C2orf81: variants seen among roughly 807,000 people sequenced by gnomAD.
The protein encoded by C2orf81 is chromosome 2 open reading frame 81, also known as uncharacterized protein C2orf81.
C2orf81 carries 5 observed loss-of-function variants against 7.9 expected under a neutral mutation model. The observed-to-expected ratio is 0.63, with a 90% CI of 0.33 to 1.33. The LOEUF is 1.33. Among genes scored for constraint, C2orf81 ranks in the 40% most tolerant of loss-of-function variants. The pLI is 0.05. For synonymous variants in C2orf81, 346 were observed against 367.4 expected, an observed-to-expected ratio of 0.94 and a Z score of 0.66; for missense variants, 781 against 830.4, an observed-to-expected ratio of 0.94 and a Z score of 0.73.
In C2orf81 at chr2:74,415,976, G is replaced by T. The variant is rs1489678406; in HGVS notation, c.249+35C>A. ...AGGTCGGCAGGGAGGGGCGGGAGAG[G>T]GAGACGAGTCTGAAGGACCCGGATC... is the stretch of plus-strand genomic sequence containing the variant. On this transcript the variant is annotated intron_variant, in intron 2 of 2. Transcript: ENST00000684111. The surrounding 1 kb of genome is among the most constrained non-coding windows in gnomAD (Gnocchi z 5.5). 2 of 1,548,144 alleles carry T rather than the reference G, an allele frequency of 1.3e-6. No individual in the cohort carries two copies. Among genetic ancestry groups the T allele is most frequent in the South Asian group, 2.4e-5 (2 of 83,734 alleles).
Position 74,415,850 on chromosome 2 carries a change from C to T in C2orf81, c.327G>A (p.Glu109=), listed in dbSNP as rs1422283596. The change falls in exon 3 of 3, where the codon GAG becomes GAA. Residue 109 remains glutamate, a synonymous_variant. Coordinates refer to ENST00000684111, the MANE Select transcript of C2orf81 (RefSeq NM_001316764.3). This position sits in a 1 kb window ranked among gnomAD's most constrained non-coding sequence, Gnocchi z 5.5. ...ITEWRFLARD[E]GESAVAEDPT... ...GGTCCTCAGCTACTGCAGATTCTCCCTCGTCCCGGGCCAGGAAGCGCCACT... is the reference window on the plus strand; with the variant it reads ...GGTCCTCAGCTACTGCAGATTCTCCTTCGTCCCGGGCCAGGAAGCGCCACT... 1 of 1,551,592 alleles carries T rather than the reference C, an allele frequency of 6.4e-7. No homozygotes were observed. Among genetic ancestry groups the T allele is most frequent in the East Asian group, 2.4e-5 (1 of 40,924 alleles).
chr2:74,414,578 G>A lies in C2orf81; in HGVS notation c.1599C>T (p.Asp533=), dbSNP rs1455092972. 2 of 1,543,510 alleles carry A rather than the reference G, an allele frequency of 1.3e-6. No homozygotes were observed. Among genetic ancestry groups the A allele is most frequent in the African/African-American group, 2.7e-5 (2 of 72,892 alleles). Residue 533 remains aspartate (D), a synonymous_variant, in exon 3 of 3, where the codon GAC becomes GAT. Coordinates refer to ENST00000684111, the MANE Select transcript of C2orf81 (RefSeq NM_001316764.3). The surrounding 1 kb of genome is among the most constrained non-coding windows in gnomAD (Gnocchi z 5.3). Reference sequence around the variant, plus strand: ...ATCTGCCAGGATCCTGGCCCTCCCTGTCTGCCAGCTCCAGACCCTGTGGAG... The same window carrying A: ...ATCTGCCAGGATCCTGGCCCTCCCTATCTGCCAGCTCCAGACCCTGTGGAG... ...RVPPQGLELA[D]REGQDPGRWP...
At chr2:74,421,397 G>A (rs1004470860) in intron 1 of C2orf81, 146 bp downstream of exon 1, 5 of 220,598 alleles carry the variant, frequency 2.3e-5, no homozygotes, top group Non-Finnish European at 4.5e-5. Context: ...GAGTACCGAC[G>A]TGGCTTCCTT....
chr2:74,418,521 C>T (rs1281302624), intron 1 of C2orf81: 3 of 914,676 alleles, frequency 3.3e-6, no homozygotes, highest in East Asian at 2.6e-5. Context: ...GTGCATGCTC[C>T]GGTTTGCCGG....
rs1676450318 is a variant in C2orf81 at position 74,415,846 on chromosome 2, C to A, written c.331G>T (p.Glu111Ter). The part of the protein sequence containing the change: ...EWRFLARDEG[E>*]SAVAEDPTWG... ...GTGGGGTCCTCAGCTACTGCAGATTCTCCCTCGTCCCGGGCCAGGAAGCGC... is the reference window on the plus strand; with the variant it reads ...GTGGGGTCCTCAGCTACTGCAGATTATCCCTCGTCCCGGGCCAGGAAGCGC... The change falls in exon 3 of 3, where the codon GAA (glutamate) becomes TAA (stop). Residue 111 changes from glutamate to a stop codon, truncating the protein, a stop_gained. Coordinates refer to ENST00000684111, the MANE Select transcript of C2orf81 (RefSeq NM_001316764.3). LOFTEE classifies it low-confidence loss of function (END_TRUNC). The surrounding 1 kb of genome is among the most constrained non-coding windows in gnomAD (Gnocchi z 5.5). The A allele has an allele frequency of 1.3e-6, 2 of 1,551,502 alleles. No individual in the cohort carries two copies. The highest frequency in any genetic ancestry group is 1.4e-5 in the African/African-American group (1 of 73,058).
intron 1 of C2orf81, 26 bp from the exon 2 acceptor site, chr2:74,416,267 G>T (rs1362098761): frequency 2.1e-5 from 28 of 1,311,858 alleles, no homozygotes; most frequent in Non-Finnish European, 2.8e-5. Context: ...ATGGCAATCA[G>T]AGCAGGAAAC....
chr2:74,417,730 A>G (rs1676506107), intron 1 of C2orf81: 7 of 556,352 alleles, frequency 1.3e-5, no homozygotes, highest in East Asian at 1.0e-4. Context: ...AGGCCCCTCT[A>G]TGGGAAGCCA....
Position 74,415,278 on chromosome 2 carries a change from A to C in C2orf81, c.899T>G (p.Leu300Trp), listed in dbSNP as rs939111094. 2 of 1,551,382 alleles carry C rather than the reference A, an allele frequency of 1.3e-6. No individual in the cohort carries two copies. Among genetic ancestry groups the C allele is most frequent in the Non-Finnish European group, 1.7e-6 (2 of 1,146,944 alleles). The change falls in exon 3 of 3, where the codon TTG becomes TGG. Residue 300 changes from leucine (L) to tryptophan (W), a missense_variant. Leu to Trp is a moderately conservative substitution (Grantham distance 61, BLOSUM62 -2). Coordinates refer to ENST00000684111, the MANE Select transcript of C2orf81 (RefSeq NM_001316764.3). This position sits in a 1 kb window ranked among gnomAD's most constrained non-coding sequence, Gnocchi z 5.5. ...RGHPLGFHLS[L>W]EDLYCCMPQL... The stretch of plus-strand genomic sequence containing the variant: ...AGGCATGCAACAGTAGAGGTCTTCC[A>C]ACGACAAATGGAAGCCGAGGGGGTG...
intron 1 of C2orf81, among the ~76,000 whole-genome samples, chr2:74,418,854 A>T (rs1337403786): frequency 6.6e-6 from 1 of 152,142 alleles, no homozygotes. Flanking sequence ...ATGAAAAAAG[A>T]TAAATATCCC....
At position 74,414,600 on chromosome 2, in the gene C2orf81, G is replaced by A; in HGVS notation, c.1577C>T (p.Pro526Leu). 6.5e-7 allele frequency: 1 copy of A among 1,549,526 alleles called. No individual in the cohort carries two copies. Among genetic ancestry groups the A allele is most frequent in the Non-Finnish European group, 8.7e-7 (1 of 1,145,594 alleles). The part of the protein sequence containing the change: ...ELWAGRTRVP[P>L]QGLELADREG... Reference sequence around the variant, plus strand: ...CCTGTCTGCCAGCTCCAGACCCTGTGGAGGCACGCGGGTCCGGCCAGCCCA... The same window carrying A: ...CCTGTCTGCCAGCTCCAGACCCTGTAGAGGCACGCGGGTCCGGCCAGCCCA... The change falls in exon 3 of 3, where the codon CCA (proline) becomes CTA (leucine). Residue 526 changes from proline to leucine, a missense_variant. Transcript: ENST00000684111. This position sits in a 1 kb window ranked among gnomAD's most constrained non-coding sequence, Gnocchi z 5.3.
chr2:74,417,981 T>A, intron 1 of C2orf81: 1 of 454,662 alleles, frequency 2.2e-6, no homozygotes, highest in South Asian at 1.8e-5. Flanking sequence ...GCTGGTGTGT[T>A]GTGTAGTGTG....
In C2orf81 at chr2:74,416,216, C is replaced by T. The variant is rs1261786651; in HGVS notation, c.44G>A (p.Arg15His). Residue 15 changes from arginine (R) to histidine (H), a missense_variant, in exon 2 of 3, where the codon CGC becomes CAC. By Grantham distance (29) the Arg-to-His change is conservative. Coordinates refer to ENST00000684111, the MANE Select transcript of C2orf81 (RefSeq NM_001316764.3). ...TTCCGCCTTGGACCGGGTCACCCCG[C>T]GGTCTCGGACCTGCCTCTCCTGCCT... is the stretch of plus-strand genomic sequence containing the variant. ...GSRQERQVRD[R>H]GVTRSKAEKV... is the part of the protein sequence containing the mutation. 8.6e-6 allele frequency: 12 copies of T among 1,398,822 alleles called. No individual in the cohort carries two copies. Among genetic ancestry groups the T allele is most frequent in the Non-Finnish European group, 1.1e-5 (12 of 1,054,722 alleles). The allele number at this position is 1,398,822 out of a possible 1,614,324, so 86.7% of individuals were successfully genotyped here.
In C2orf81 at chr2:74,416,184, G is replaced by C; in HGVS notation, c.76C>G (p.Arg26Gly). Residue 26 changes from arginine to glycine, a missense_variant, in exon 2 of 3, where the codon CGG becomes GGG. Transcript: ENST00000684111. Reference sequence around the variant, plus strand: ...TGCGGCACTGGCACAGTGGGCGGCCGCACTTTTTCCGCCTTGGACCGGGTC... The same window carrying C: ...TGCGGCACTGGCACAGTGGGCGGCCCCACTTTTTCCGCCTTGGACCGGGTC... ...GVTRSKAEKV[R>G]PPTVPVPQVD... 3 of 1,458,230 alleles carry C rather than the reference G, an allele frequency of 2.1e-6. No homozygotes were observed. The highest frequency in any genetic ancestry group is 2.8e-6 in the Non-Finnish European group (3 of 1,089,442). 90.3% of individuals were successfully genotyped at this position (1,458,230 alleles called of 1,614,324 possible).
At chr2:74,416,684 A>C (rs1304564391) in intron 1 of C2orf81, 2 of 156,914 alleles carry the variant, frequency 1.3e-5, no homozygotes, top group Non-Finnish European at 2.8e-5. Context: ...GACAATGTGA[A>C]GGTTTAACTT....
At position 74,415,182 on chromosome 2, in the gene C2orf81, A is replaced by T; in HGVS notation, c.995T>A (p.Leu332Ter). 1 of 1,498,360 alleles carries T rather than the reference A, an allele frequency of 6.7e-7. No homozygotes were observed. The highest frequency in any genetic ancestry group is 8.7e-7 in the Non-Finnish European group (1 of 1,143,430). 92.8% of individuals were successfully genotyped at this position (1,498,360 alleles called of 1,614,324 possible). A position where few individuals can be genotyped will look rare whatever the true frequency, so the allele number is the denominator to read the frequency against. Residue 332 changes from leucine (L) to a stop codon, truncating the protein, a stop_gained, in exon 3 of 3, where the codon TTG (leucine) becomes TAG (stop). Coordinates refer to ENST00000684111, the MANE Select transcript of C2orf81 (RefSeq NM_001316764.3). LOFTEE classifies it low-confidence loss of function (END_TRUNC). This position sits in a 1 kb window ranked among gnomAD's most constrained non-coding sequence, Gnocchi z 5.5. ...EGVPCIASGV[L>*]VSYPSVGGAT... is the part of the protein sequence containing the mutation. ...GCCGCCCACAGAGGGGTAGGACACC[A>T]ACACGCCCGAGGCGATGCAGGGCAC...
In C2orf81 at chr2:74,418,506, C is replaced by T. The variant is rs1481156403; in HGVS notation, c.19-2265G>A. 7.8e-6 allele frequency: 8 copies of T among 1,022,128 alleles called. No homozygotes were observed. The East Asian group carries it at 2.0e-4, about 26-fold the overall frequency. The allele number at this position is 1,022,128 out of a possible 1,614,324, so 63.3% of individuals were successfully genotyped here. On this transcript the variant is annotated intron_variant, in intron 1 of 2. Transcript: ENST00000684111. ...GGGATGGGCGAACTCGGCCGCTGGC[C>T]TGCGGTGCATGCTCCGGTTTGCCGG...
At chr2:74,418,191 C>A in intron 1 of C2orf81, 1 of 1,400,006 alleles carries the variant, frequency 7.1e-7, no homozygotes, top group Non-Finnish European at 1.0e-6. Context: ...TGGGTCTTCC[C>A]CTTGGTTTCC....
chr2:74,415,905 T>C lies in C2orf81; in HGVS notation c.272A>G (p.Gln91Arg), dbSNP rs555628618. The stretch of plus-strand genomic sequence containing the variant: ...GATCTGCAGCATGGCCTCCCGGGCC[T>C]GGCTGATGGTGAATGGAATGCACTG... ...TQQCIPFTIS[Q>R]AREAMLQITE... The change falls in exon 3 of 3, where the codon CAG (glutamine) becomes CGG (arginine). Residue 91 changes from glutamine to arginine, a missense_variant. By Grantham distance (43) the Gln-to-Arg change is conservative. Coordinates refer to ENST00000684111, the MANE Select transcript of C2orf81 (RefSeq NM_001316764.3). The surrounding 1 kb of genome is among the most constrained non-coding windows in gnomAD (Gnocchi z 5.5). The C allele has an allele frequency of 1.3e-6, 2 of 1,548,796 alleles. No homozygotes were observed. Among genetic ancestry groups the C allele is most frequent in the African/African-American group, 1.4e-5 (1 of 73,106 alleles).
intron 1 of C2orf81, chr2:74,418,154 C>G: frequency 2.1e-6 from 2 of 951,914 alleles, no homozygotes; most frequent in Non-Finnish European, 3.3e-6. Flanking sequence ...TGCGAGATGC[C>G]CTTCTCTTCC....
Sources: gnomAD v4.1 joint callset for allele counts (sites outside exome capture counted in the v4.1 genomes callset) on GRCh38, gnomAD v4.1.1 for gene constraint, Gnocchi (gnomAD v3.1) non-coding constraint, MANE v1.5 for transcripts, NCBI Gene and HGNC (gene_info 2026-07-23, HGNC 2026-07-21) for gene names.